GPHN: variants seen among roughly 807,000 people sequenced by gnomAD.
The protein encoded by GPHN is gephyrin.
Under a neutral mutation model 95.5 loss-of-function variants are expected in GPHN, and 17 were observed. The observed-to-expected ratio is 0.18, with a 90% CI of 0.12 to 0.27. The LOEUF (loss-of-function observed/expected upper bound fraction) is 0.27, where lower values mean the gene tolerates loss of function less well. Ranked by LOEUF, GPHN falls within the 10% of genes least tolerant of loss-of-function variation. The pLI is 1.00. For synonymous variants in GPHN, 320 were observed against 322.5 expected, an observed-to-expected ratio of 0.99 and a Z score of 0.08; for missense variants, 660 against 978.1, an observed-to-expected ratio of 0.67 and a Z score of 4.34.
chr14:66,916,983 A>G (rs926866879), intron 6 of GPHN, among the ~76,000 whole-genome samples: 2 of 152,174 alleles, frequency 1.3e-5, no homozygotes, highest in African/African-American at 4.8e-5. Flanking sequence ...GGGTGTGGAT[A>G]TATTTAGAGA....
At chr14:66,639,310 G>T (rs773371171) in intron 1 of GPHN, among the ~76,000 whole-genome samples, 1 of 151,924 alleles carries the variant, frequency 6.6e-6, no homozygotes, top group African/African-American at 2.4e-5. Flanking sequence ...AATTCATCAG[G>T]TGTGCTGTAT....
At chr14:67,626,852 A>G in the GPHN span, among the ~76,000 whole-genome samples, 1 of 152,230 alleles carries the variant, frequency 6.6e-6, no homozygotes, top group South Asian at 2.1e-4. Context: ...GGGGAGGAAA[A>G]TTTGACATAT....
chr14:66,645,478 G>T (rs2064685521), intron 1 of GPHN, among the ~76,000 whole-genome samples: 1 of 151,958 alleles, frequency 6.6e-6, no homozygotes, highest in African/African-American at 2.4e-5. Flanking sequence ...CCTGAGGTAA[G>T]GAGTTCAAGA....
At chr14:67,057,500 A>G (rs1807533947) in intron 10 of GPHN, among the ~76,000 whole-genome samples, 1 of 151,948 alleles carries the variant, frequency 6.6e-6, no homozygotes, top group African/African-American at 2.4e-5. Context: ...ATACCTAGGT[A>G]ATGGATTGAT....
At chr14:66,848,407 C>T (rs2062426870) in intron 4 of GPHN, among the ~76,000 whole-genome samples, 1 of 152,008 alleles carries the variant, frequency 6.6e-6, no homozygotes, top group African/African-American at 2.4e-5. Flanking sequence ...TTAAGATAGA[C>T]TCTGTCAGAG....
the GPHN span, chr14:67,574,256 GA>G: frequency 6.2e-7 from 1 of 1,605,480 alleles, no homozygotes; most frequent in Non-Finnish European, 8.5e-7. This position sits in a 1 kb window ranked among gnomAD's most constrained non-coding sequence, Gnocchi z 4.2. Flanking sequence ...TCTCTGAGAA[GA>G]AAACCTACTA....
At chr14:66,523,480 A>G (rs2139837673) in intron 1 of GPHN, among the ~76,000 whole-genome samples, 1 of 152,244 alleles carries the variant, frequency 6.6e-6, no homozygotes, top group East Asian at 1.9e-4. Flanking sequence ...TTTAAAATAA[A>G]GCTGTTGTAA....
At chr14:66,895,192 G>A (rs1443806043) in intron 5 of GPHN, among the ~76,000 whole-genome samples, 2 of 152,214 alleles carry the variant, frequency 1.3e-5, no homozygotes, top group Non-Finnish European at 1.5e-5. Flanking sequence ...GAAAGGATGA[G>A]TTCATGTCCT....
chr14:67,264,808 G>A, the GPHN span, among the ~76,000 whole-genome samples: 1 of 152,170 alleles, frequency 6.6e-6, no homozygotes, highest in African/African-American at 2.4e-5. Flanking sequence ...TTACAGATGT[G>A]TTATATATAT....
At chr14:67,027,707 T>G (rs2073998492) in intron 10 of GPHN, among the ~76,000 whole-genome samples, 1 of 126,278 alleles carries the variant, frequency 7.9e-6, no homozygotes, top group Admixed American at 7.7e-5. Context: ...TTAACTTTTC[T>G]AGATTTTTTT....
intron 5 of GPHN, among the ~76,000 whole-genome samples, chr14:66,887,180 A>G (rs2064239717): frequency 6.6e-6 from 1 of 152,154 alleles, no homozygotes; most frequent in African/African-American, 2.4e-5. Context: ...TCAAATACTA[A>G]CTTACCTAGG....
chr14:67,335,884 CCTCTT>C, the GPHN span: 4 of 152,238 alleles, frequency 2.6e-5, no homozygotes, highest in African/African-American at 9.6e-5. Flanking sequence ...AGACCACCCT[CCTCTT>C]CAAGTTTTTG....
chr14:67,064,068 T>C (rs1008453926), intron 11 of GPHN, among the ~76,000 whole-genome samples: 1 of 152,170 alleles, frequency 6.6e-6, no homozygotes, highest in Non-Finnish European at 1.5e-5. Context: ...TGGCTGTGGG[T>C]TTGTCATAAA....
intron 8 of GPHN, among the ~76,000 whole-genome samples, chr14:66,935,114 C>T (rs1195531763): frequency 2.0e-5 from 3 of 152,046 alleles, no homozygotes. Context: ...AGACTGGATC[C>T]AAATCTGAAG....
intron 18 of GPHN, among the ~76,000 whole-genome samples, chr14:67,147,355 A>C (rs138967054): frequency 6.6e-6 from 1 of 152,216 alleles, no homozygotes; most frequent in Non-Finnish European, 1.5e-5. Context: ...CAAAGCCTTC[A>C]GGCAAGCACC....
the GPHN span, among the ~76,000 whole-genome samples, chr14:67,521,708 C>T: frequency 6.6e-6 from 1 of 151,772 alleles, no homozygotes; most frequent in South Asian, 2.1e-4. Context: ...CTAAGACAGC[C>T]CTGAAAATTA....
intron 10 of GPHN, among the ~76,000 whole-genome samples, chr14:67,057,078 C>T (rs1391309783): frequency 6.6e-6 from 1 of 152,114 alleles, no homozygotes; most frequent in African/African-American, 2.4e-5. Context: ...CACCTCCCTG[C>T]AAGCAGAGGG....
At chr14:67,257,594 TAACTA>T in the GPHN span, among the ~76,000 whole-genome samples, 1 of 151,058 alleles carries the variant, frequency 6.6e-6, no homozygotes, top group Non-Finnish European at 1.5e-5. Flanking sequence ...GCTCAACAGA[TAACTA>T]AAAAAAAAAG....
At chr14:66,643,079 C>T (rs909496244) in intron 1 of GPHN, among the ~76,000 whole-genome samples, 1 of 151,908 alleles carries the variant, frequency 6.6e-6, no homozygotes, top group Non-Finnish European at 1.5e-5. Context: ...TATTCCATAA[C>T]CCAATTTTAA....
Sources: allele counts gnomAD v4.1 joint callset (sites outside exome capture counted in the v4.1 genomes callset), GRCh38; gene constraint gnomAD v4.1.1; non-coding constraint Gnocchi (gnomAD v3.1); transcripts MANE v1.5; gene names NCBI Gene and HGNC (gene_info 2026-07-23, HGNC 2026-07-21).